CHAT: variants seen among roughly 807,000 people sequenced by gnomAD.
CHAT encodes acetyl CoA:choline O-acetyltransferase.
In CHAT, 61 loss-of-function variants were observed where a neutral mutation model predicts 76.9. The ratio of observed to expected loss-of-function variants is 0.79; its 90% CI spans 0.65 to 0.98. The LOEUF is 0.98. Ranked by LOEUF, CHAT falls within the 50% of genes least tolerant of loss-of-function variation. The probability of loss-of-function intolerance (pLI) is 0.00; values close to 1 mark genes in which losing one functional copy is unlikely to be tolerated. For synonymous variants in CHAT, 407 were observed against 397.4 expected (o/e 1.02, Z -0.29); for missense variants, 946 against 986.9 (o/e 0.96, Z 0.56).
At chr10:49,655,045 A>G (rs1839988399) in intron 11 of CHAT, 50 bp from the exon 12 acceptor site, 1 of 1,608,898 alleles carries the variant, frequency 6.2e-7, no homozygotes, top group Non-Finnish European at 8.5e-7. Flanking sequence ...CGAGTTTATG[A>G]TTTCCCAAGA....
intron 7 of CHAT, among the ~76,000 whole-genome samples, chr10:49,631,842 C>G (rs964121272): frequency 6.6e-6 from 1 of 151,806 alleles, no homozygotes. Flanking sequence ...CATGGATGCA[C>G]ATACTACCAT....
chr10:49,611,558 G>A (rs1258597013), upstream of CHAT: 3 of 1,604,988 alleles, frequency 1.9e-6, no homozygotes, highest in African/African-American at 1.3e-5. Context: ...GCACGGGCTC[G>A]GGCCAACCTG....
At chr10:49,615,506 T>C (rs2132698934) in intron 1 of CHAT, among the ~76,000 whole-genome samples, 1 of 152,274 alleles carries the variant, frequency 6.6e-6, no homozygotes, top group African/African-American at 2.4e-5. Context: ...CCCTGCCAGG[T>C]GCCCATACAT....
chr10:49,609,800 C>T (rs1363987517), upstream of CHAT, among the ~76,000 whole-genome samples: 1 of 152,162 alleles, frequency 6.6e-6, no homozygotes, highest in African/African-American at 2.4e-5. Flanking sequence ...TCCAGCGCTC[C>T]TCCGGACGCG....
At chr10:49,630,051 A>G (rs1839061687) in intron 7 of CHAT, among the ~76,000 whole-genome samples, 1 of 152,134 alleles carries the variant, frequency 6.6e-6, no homozygotes. Context: ...GGGAGTGGGT[A>G]CAGGATGGAG....
At chr10:49,657,103 A>G (rs1840059538) in intron 13 of CHAT, among the ~76,000 whole-genome samples, 2 of 152,262 alleles carry the variant, frequency 1.3e-5, no homozygotes, top group African/African-American at 4.8e-5. Flanking sequence ...AGCTTGGGAG[A>G]CTGGGTAATT....
At chr10:49,647,016 G>T in intron 8 of CHAT, 2 of 405,378 alleles carry the variant, frequency 4.9e-6, no homozygotes, top group South Asian at 2.4e-5. Flanking sequence ...TGAGGTGGGG[G>T]TGTGCCAGGA....
chr10:49,628,735 TG>T (rs2132738905), intron 7 of CHAT, among the ~76,000 whole-genome samples: 1 of 152,264 alleles, frequency 6.6e-6, no homozygotes, highest in South Asian at 2.1e-4. Context: ...GAGGTGGGAA[TG>T]GAACAAAGCC....
upstream of CHAT, chr10:49,610,987 C>T: frequency 6.2e-7 from 1 of 1,612,250 alleles, no homozygotes; most frequent in East Asian, 2.2e-5. Flanking sequence ...GCCCACCCTG[C>T]CGCTGCCCAC....
At chr10:49,636,663 G>C (rs945038770) in intron 7 of CHAT, among the ~76,000 whole-genome samples, 2 of 152,048 alleles carry the variant, frequency 1.3e-5, no homozygotes, top group African/African-American at 2.4e-5. Flanking sequence ...ATTTCTTTTT[G>C]GGGAGTTTTA....
At chr10:49,660,616 T>G (rs1766109133) in intron 13 of CHAT, among the ~76,000 whole-genome samples, 1 of 152,230 alleles carries the variant, frequency 6.6e-6, no homozygotes. Flanking sequence ...GAATCCGTGC[T>G]GGCAAAATGA....
chr10:49,615,987 AC>A (rs1201490147), intron 1 of CHAT: 5 of 1,571,650 alleles, frequency 3.2e-6, no homozygotes, highest in Non-Finnish European at 3.5e-6. Context: ...GCCTCCATTC[AC>A]CCACGCATGC....
intron 9 of CHAT, among the ~76,000 whole-genome samples, chr10:49,648,901 C>T (rs996340796): frequency 6.6e-6 from 1 of 152,130 alleles, no homozygotes; most frequent in South Asian, 2.1e-4. Context: ...AAGCCTACAT[C>T]GATACCTATT....
chr10:49,620,033 A>C, intron 3 of CHAT, 117 bp downstream of exon 3: 1 of 1,024,964 alleles, frequency 9.8e-7, no homozygotes, highest in Non-Finnish European at 1.4e-6. Context: ...GAGATGAGGG[A>C]CAGGGATGGG....
chr10:49,616,620 C>A lies in CHAT; in HGVS notation c.387+18C>A, dbSNP rs758829418. The A allele has an allele frequency of 1.0e-5, 16 of 1,541,886 alleles. No individual in the cohort carries two copies. The South Asian group carries it at 1.5e-4, about 14-fold the overall frequency. On this transcript the variant is annotated intron_variant, in intron 2 of 14. Coordinates refer to ENST00000337653, the MANE Select transcript of CHAT (RefSeq NM_020549.5). ...AGGAGTCTGTGAGTGACTTTTGGAGCCCTCTCTCAACCCTGCTTTCCCCAC... is the reference window on the plus strand; with the variant it reads ...AGGAGTCTGTGAGTGACTTTTGGAGACCTCTCTCAACCCTGCTTTCCCCAC...
At chr10:49,651,705 A>T (rs1839884261) in intron 10 of CHAT, 179 bp from the exon 11 acceptor site, 1 of 623,366 alleles carries the variant, frequency 1.6e-6, no homozygotes, top group Non-Finnish European at 2.8e-6. Flanking sequence ...TTGTCTTCTG[A>T]CACTTTCATA....
At chr10:49,662,201 G>A (rs72795724) in intron 13 of CHAT, among the ~76,000 whole-genome samples, 4 of 152,260 alleles carry the variant, frequency 2.6e-5, no homozygotes, top group South Asian at 2.1e-4. Context: ...AGCCTGGGAC[G>A]CCCTTCACAA....
intron 7 of CHAT, among the ~76,000 whole-genome samples, chr10:49,635,680 C>T (rs1340732968): frequency 6.6e-6 from 1 of 152,088 alleles, no homozygotes; most frequent in African/African-American, 2.4e-5. Flanking sequence ...AAAAAAATAA[C>T]ATGATTATAT....
At chr10:49,636,567 T>A (rs941194327) in intron 7 of CHAT, among the ~76,000 whole-genome samples, 1 of 152,228 alleles carries the variant, frequency 6.6e-6, no homozygotes, top group Admixed American at 6.5e-5. Flanking sequence ...CCTCTTATAT[T>A]TTCTGAAAGA....
Sources: allele counts gnomAD v4.1 joint callset (sites outside exome capture counted in the v4.1 genomes callset), GRCh38; gene constraint gnomAD v4.1.1; transcripts MANE v1.5; gene names NCBI Gene and HGNC (gene_info 2026-07-23, HGNC 2026-07-21).